SRSF12: variants seen among roughly 807,000 people sequenced by gnomAD.
SRSF12 encodes serine and arginine rich splicing factor 12.
Under a neutral mutation model 34.1 loss-of-function variants are expected in SRSF12, and 21 were observed. The observed-to-expected ratio is 0.62, with a 90% CI of 0.44 to 0.89. The LOEUF is 0.89. SRSF12 is among the 40% of genes least tolerant of loss of function. SRSF12 has a pLI of 0.00. For synonymous variants in SRSF12, 111 were observed against 110.8 expected, an observed-to-expected ratio of 1.00 and a Z score of -0.01; for missense variants, 278 against 327.8, an observed-to-expected ratio of 0.85 and a Z score of 1.17.
At chr6:89,115,190 C>T (rs1006870176) in intron 1 of SRSF12, among the ~76,000 whole-genome samples, 2 of 151,946 alleles carry the variant, frequency 1.3e-5, no homozygotes, top group Non-Finnish European at 2.9e-5. Flanking sequence ...CTTGACCTCC[C>T]GGGCTCAAGT....
At chr6:89,112,407 GT>G (rs1274813043) in intron 1 of SRSF12, among the ~76,000 whole-genome samples, 3 of 149,924 alleles carry the variant, frequency 2.0e-5, no homozygotes, top group African/African-American at 7.4e-5. Context: ...AAGTCCTACT[GT>G]CCAAATTAAT....
intron 1 of SRSF12, 110 bp downstream of exon 1, chr6:89,117,713 A>C: frequency 9.1e-7 from 1 of 1,096,882 alleles, no homozygotes; most frequent in Non-Finnish European, 1.2e-6. Flanking sequence ...GCCCGCGGGG[A>C]GGCTCCGCGC....
At position 89,098,816 on chromosome 6, in the gene SRSF12, T is replaced by G; in HGVS notation, c.548A>C (p.Lys183Thr). 6.2e-7 allele frequency: 1 copy of G among 1,613,990 alleles called. No homozygotes were observed. Among genetic ancestry groups the G allele is most frequent in the Non-Finnish European group, 8.5e-7 (1 of 1,179,888 alleles). Reference protein sequence around the residue: ...NFGSRGRSRSKSLQKRSKSIG... With the variant: ...NFGSRGRSRSTSLQKRSKSIG... ...TGACTTGGACCTCTTTTGTAAGGAC[T>G]TGGACCTTGACCGTCCTCTAGAGCC... The change falls in exon 5 of 5, where the codon AAG (lysine) becomes ACG (threonine). Residue 183 changes from lysine (K) to threonine (T), a missense_variant. Transcript: ENST00000452027.
At chr6:89,099,010 C>T in intron 4 of SRSF12, 63 bp from the exon 5 acceptor site, 40 of 1,497,362 alleles carry the variant, frequency 2.7e-5, no homozygotes, top group Non-Finnish European at 3.5e-5. Context: ...GGAAATAACA[C>T]TTTCAGGAAC....
At chr6:89,102,954 G>A (rs1031628372) in intron 4 of SRSF12, among the ~76,000 whole-genome samples, 1 of 152,068 alleles carries the variant, frequency 6.6e-6, no homozygotes, top group African/African-American at 2.4e-5. Context: ...TGTAGACATG[G>A]GGGTCTCACT....
chr6:89,100,705 C>G (rs1219656044), intron 4 of SRSF12, among the ~76,000 whole-genome samples: 2 of 152,008 alleles, frequency 1.3e-5, no homozygotes, highest in Admixed American at 1.3e-4. Context: ...CAGTGGAAAA[C>G]TACAATCTAT....
rs1322383521 is a variant in SRSF12 at position 89,107,243 on chromosome 6, G to A, written c.81C>T (p.Arg27=). ...TAGGGCCATATCGACCAAACTCACG[G>A]CGCAAGTCCTCAGGCCTGAAGTGTT... The part of the protein sequence containing the change: ...VADATRPEDL[R]REFGRYGPIV... The change falls in exon 2 of 5, where the codon CGC becomes CGT. Residue 27 remains arginine (R), a synonymous_variant. Transcript: ENST00000452027. 1.2e-6 allele frequency: 2 copies of A among 1,613,978 alleles called. No individual in the cohort carries two copies. The highest frequency in any genetic ancestry group is 1.1e-5 in the South Asian group (1 of 91,060).
chr6:89,117,981 C>G lies in SRSF12; in HGVS notation c.-94G>C. 5 of 1,351,818 alleles carry G rather than the reference C, an allele frequency of 3.7e-6. No individual in the cohort carries two copies. The highest frequency in any genetic ancestry group is 2.6e-5 in the Admixed American group (1 of 38,808). 83.7% of individuals were successfully genotyped at this position (1,351,818 alleles called of 1,614,324 possible). A position where few individuals can be genotyped will look rare whatever the true frequency, so the allele number is the denominator to read the frequency against. ...GCTACCACCACAGGAGCTCCGCCGG[C>G]CCCCGGCGCGACCCCCACCCCTCGG... On this transcript the variant is annotated 5_prime_UTR_variant, in exon 1 of 5. Coordinates refer to ENST00000452027, the MANE Select transcript of SRSF12 (RefSeq NM_080743.5).
chr6:89,105,187 G>T lies in SRSF12; in HGVS notation c.348C>A (p.Ser116Arg), dbSNP rs765824068. The change falls in exon 4 of 5, where the codon AGC becomes AGA. Residue 116 changes from serine to arginine, a missense_variant. Transcript: ENST00000452027. The stretch of plus-strand genomic sequence containing the variant: ...AACTTCTACTTCGAGTTCTTCTTTG[G>T]CTGGGGCTTCTTGATCTCCTGTGAT... ...PSDHRRSRSP[S>R]QRRTRSRSSS... is the part of the protein sequence containing the mutation. 7.4e-6 allele frequency: 12 copies of T among 1,611,978 alleles called. No individual in the cohort carries two copies. The highest frequency in any genetic ancestry group is 6.7e-5 in the Admixed American group (4 of 59,736).
At chr6:89,112,752 T>G (rs1769119098) in intron 1 of SRSF12, among the ~76,000 whole-genome samples, 1 of 152,174 alleles carries the variant, frequency 6.6e-6, no homozygotes, top group Non-Finnish European at 1.5e-5. Context: ...CTTTTTTCAT[T>G]TTTTAATATA....
In SRSF12 at chr6:89,097,259, TCA is replaced by T. The variant is rs1768311748; in HGVS notation, c.*1317_*1318del. The T allele has an allele frequency of 3.3e-5, 5 of 152,278 alleles. No homozygotes were observed. The South Asian group carries it at 1.0e-3, about 32-fold the overall frequency. 9.4% of individuals were successfully genotyped at this position (152,278 alleles called of 1,614,324 possible). On this transcript the variant is annotated 3_prime_UTR_variant, in exon 5 of 5. Transcript: ENST00000452027. The stretch of plus-strand genomic sequence containing the variant: ...AACTTTGAAGTTTTCATAATGTAAG[TCA>T]CAAAGTATACAAGTAGAGCTCTATA...
Position 89,117,952 on chromosome 6 carries a change from C to A in SRSF12, c.-65G>T. On this transcript the variant is annotated 5_prime_UTR_variant, in exon 1 of 5. Transcript: ENST00000452027. ...CTGGACTCGCTCCGTCTCCCGCTAC[C>A]GCTGCTACCACCACAGGAGCTCCGC... The A allele has an allele frequency of 1.3e-6, 2 of 1,492,318 alleles. No homozygotes were observed. Among genetic ancestry groups the A allele is most frequent in the Non-Finnish European group, 1.8e-6 (2 of 1,112,736 alleles). 92.4% of individuals were successfully genotyped at this position (1,492,318 alleles called of 1,614,324 possible). A position where few individuals can be genotyped will look rare whatever the true frequency, so the allele number is the denominator to read the frequency against.
At position 89,098,726 on chromosome 6, in the gene SRSF12, T is replaced by C. The variant is rs1167126968; in HGVS notation, c.638A>G (p.His213Arg). ...TGCTATTGAGTCAGAATGTCTTCCATGTGATCTTGATTTTGTTCCTGAGCT... is the reference window on the plus strand; with the variant it reads ...TGCTATTGAGTCAGAATGTCTTCCACGTGATCTTGATTTTGTTCCTGAGCT... ...QTSSGTKSRS[H>R]GRHSDSIARS... The change falls in exon 5 of 5, where the codon CAT becomes CGT. Residue 213 changes from histidine to arginine, a missense_variant. By Grantham distance (29) the His-to-Arg change is conservative. Transcript: ENST00000452027. 2.4e-5 allele frequency: 39 copies of C among 1,613,990 alleles called. No individual in the cohort carries two copies. The highest frequency in any genetic ancestry group is 3.2e-5 in the Non-Finnish European group (38 of 1,179,872).
chr6:89,102,001 C>T (rs4707516), intron 4 of SRSF12, among the ~76,000 whole-genome samples: 98,612 of 150,652 alleles, frequency 0.65, 33,006 homozygotes, highest in East Asian at 0.78. Context: ...TCTCGGTGAG[C>T]TGAAAGAGGA....
At chr6:89,116,303 C>T (rs1769291261) in intron 1 of SRSF12, among the ~76,000 whole-genome samples, 1 of 152,172 alleles carries the variant, frequency 6.6e-6, no homozygotes, top group African/African-American at 2.4e-5. Flanking sequence ...TTCAAGTTGT[C>T]TGTTCAACTG....
rs969989882 is a variant in SRSF12 at position 89,115,524 on chromosome 6, C to T, written c.65+2299G>A. Among the ~76,000 whole-genome samples the T allele has an allele frequency of 4.6e-5, 7 of 151,202 alleles. No individual in the cohort carries two copies. The South Asian group carries it at 6.3e-4, about 14-fold the overall frequency. Reference sequence around the variant, plus strand: ...CTCGAACCCCTCACCTCAAGTGATCCGCCGAACTCGGTCTCCTAAAGTGCT... The same window carrying T: ...CTCGAACCCCTCACCTCAAGTGATCTGCCGAACTCGGTCTCCTAAAGTGCT... On this transcript the variant is annotated intron_variant, in intron 1 of 4. Transcript: ENST00000452027.
chr6:89,114,763 C>T (rs76017389), intron 1 of SRSF12, among the ~76,000 whole-genome samples: 9,588 of 152,154 alleles, frequency 0.063, 875 homozygotes, highest in African/African-American at 0.2. Flanking sequence ...TTTTAAAATG[C>T]GTATAAATAT....
At chr6:89,105,047 C>T in intron 4 of SRSF12, 72 bp downstream of exon 4, 1 of 1,362,066 alleles carries the variant, frequency 7.3e-7, no homozygotes, top group Non-Finnish European at 9.7e-7. Context: ...AACAATGAGA[C>T]CCTATCAAAA....
chr6:89,105,076 C>T (rs779107026), intron 4 of SRSF12, 43 bp downstream of exon 4: 1 of 1,543,168 alleles, frequency 6.5e-7, no homozygotes, highest in East Asian at 2.3e-5. Flanking sequence ...ATCTATTTCC[C>T]AGAAAAAGTA....
Sources: allele counts gnomAD v4.1 joint callset (sites outside exome capture counted in the v4.1 genomes callset), GRCh38; gene constraint gnomAD v4.1.1; transcripts MANE v1.5; gene names NCBI Gene and HGNC (gene_info 2026-07-23, HGNC 2026-07-21).